The following USP11 variants were observed in gnomAD, a reference collection of about 807,000 sequenced individuals.
USP11 encodes ubiquitin specific peptidase 11.
Under a neutral mutation model 72.8 loss-of-function variants are expected in USP11, and 5 were observed. That is an observed-to-expected ratio of 0.07 (90% CI 0.04 to 0.14). USP11 has a LOEUF of 0.14. Ranked by LOEUF, USP11 falls within the 10% of genes least tolerant of loss-of-function variation. USP11 has a pLI of 1.00. For missense variants in USP11, 480 were observed against 794.7 expected (o/e 0.60, Z 4.76); for synonymous variants, 368 against 326.5 (o/e 1.13, Z -1.37).
rs1159069080 is a variant in USP11, at chrX:47,234,483, G to A, written c.176+1264G>A. Among the ~76,000 whole-genome samples, 5 of 111,908 alleles carry A rather than the reference G, an allele frequency of 4.5e-5. 1 individual carries two copies. The highest frequency in any genetic ancestry group is 9.4e-5 in the Non-Finnish European group (5 of 53,228). On this transcript the variant is annotated intron_variant, in intron 1 of 20. Coordinates refer to ENST00000377107, the MANE Select transcript of USP11 (RefSeq NM_001371072.1). ...TAATAATTGTGATCATTGTGGCTGT[G>A]AAAAATAATATCCTTGTTTATAGGA... is the stretch of plus-strand genomic sequence containing the variant.
At chrX:47,246,997 G>A (rs2055437172) in intron 17 of USP11, 75 bp from the exon 18 acceptor site, 3 of 1,112,417 alleles carry the variant, frequency 2.7e-6, no homozygotes, top group Middle Eastern at 3.0e-4. Flanking sequence ...CTCCAGCCTG[G>A]GCAACAGAGC....
intron 1 of USP11, among the ~76,000 whole-genome samples, chrX:47,234,450 A>T (rs760350890): frequency 8.9e-6 from 1 of 112,372 alleles, no homozygotes; most frequent in Non-Finnish European, 1.9e-5. Flanking sequence ...GGTAGATACT[A>T]GTACTACTAA....
chrX:47,244,781 C>T lies in USP11; in HGVS notation c.1943C>T (p.Thr648Met), dbSNP rs551222235. Residue 648 changes from threonine to methionine, a missense_variant, in exon 15 of 21, where the codon ACG (threonine) becomes ATG (methionine). This residue lies in a region of USP11 where 314 missense variants were observed against 556.0 expected (regional missense o/e 0.56). Transcript: ENST00000377107. ...CAGGCTGGGCCCAGCTCTGGAGTCA[C>T]GAACAGGTGCCCGTTCCTCCTGGAC... ...PEQAGPSSGV[T>M]NRCPFLLDNC... 43 of 1,207,401 alleles carry T rather than the reference C, an allele frequency of 3.6e-5. No individual in the cohort carries two copies. The South Asian group carries it at 5.0e-4, about 14-fold the overall frequency.
chrX:47,241,264 C>T lies in USP11; in HGVS notation c.847-13C>T, dbSNP rs746224404. ...CCCCTCTGCCTCATTCACCTGGTCT[C>T]TGGCCTCTGCAGTGCCTCAGCAATG... On this transcript the variant is annotated splice_polypyrimidine_tract_variant and intron_variant, in intron 7 of 20. Coordinates refer to ENST00000377107, the MANE Select transcript of USP11 (RefSeq NM_001371072.1). The T allele has an allele frequency of 1.7e-6, 2 of 1,192,566 alleles. No individual in the cohort carries two copies. The highest frequency in any genetic ancestry group is 1.8e-5 in the African/African-American group (1 of 56,740).
chrX:47,243,264 A>AAAATAAAT lies in USP11; in HGVS notation c.1584-116_1584-109dup, dbSNP rs111628510. On this transcript the variant is annotated intron_variant, in intron 12 of 20. Coordinates refer to ENST00000377107, the MANE Select transcript of USP11 (RefSeq NM_001371072.1). ...GGCAACAGAGCGAGACTCCGTCTCA[A>AAAATAAAT]AAATAAATAAATAAATAAATAAAAA... The AAAATAAAT allele has an allele frequency of 1.5e-5, 10 of 656,180 alleles. No homozygotes were observed. The Middle Eastern group carries it at 1.6e-3, about 104-fold the overall frequency. 54.1% of individuals were successfully genotyped at this position (656,180 alleles called of 1,213,427 possible).
intron 16 of USP11, 35 bp downstream of exon 16, chrX:47,245,121 G>T: frequency 8.4e-7 from 1 of 1,192,793 alleles, no homozygotes. Flanking sequence ...GGTACTTCCA[G>T]CTCTTGCCCC....
intron 1 of USP11, among the ~76,000 whole-genome samples, chrX:47,238,084 TGTTTTTATCACA>T (rs2055382955): frequency 9.0e-6 from 1 of 111,652 alleles, no homozygotes; most frequent in African/African-American, 3.3e-5. Context: ...TTATGTTACA[TGTTTTTATCACA>T]GTTTTTAAGA....
Position 47,242,684 on chromosome X carries a change from C to T in USP11, c.1547C>T (p.Pro516Leu), listed in dbSNP as rs1278058705. Residue 516 changes from proline (P) to leucine (L), a missense_variant, in exon 12 of 21, where the codon CCT becomes CTT. Coordinates refer to ENST00000377107, the MANE Select transcript of USP11 (RefSeq NM_001371072.1). ...RFYKLYQLEE[P>L]LSSILDRDDI... ...TATAAGCTCTATCAGCTAGAGGAGC[C>T]TCTGAGCAGCATCTTGGACCGTGAT... 6.6e-6 allele frequency: 8 copies of T among 1,209,019 alleles called. No individual in the cohort carries two copies. In the African/African-American group the frequency reaches 1.4e-4, roughly 21 times the overall value.
At chrX:47,242,335 G>A in intron 10 of USP11, 29 bp downstream of exon 10, 4 of 1,205,876 alleles carry the variant, frequency 3.3e-6, no homozygotes, top group Non-Finnish European at 3.4e-6. Context: ...CTGGGGAGAT[G>A]ATGATGGACA....
rs749492088 is a variant in USP11 at position 47,245,354 on chromosome X, G to A, written c.2158-16G>A. On this transcript the variant is annotated splice_polypyrimidine_tract_variant and intron_variant, in intron 16 of 20. Coordinates refer to ENST00000377107, the MANE Select transcript of USP11 (RefSeq NM_001371072.1). ...CTCACAGCCGGCCATCTGGTTGTCT[G>A]TTCACCCAATCCTAGGGCTACGTGA... 3 of 1,198,249 alleles carry A rather than the reference G, an allele frequency of 2.5e-6. No homozygotes were observed. In the South Asian group the frequency reaches 5.3e-5, roughly 21 times the overall value.
rs2055445576 is a variant in USP11, at chrX:47,247,980, A to G, written c.*50A>G. On this transcript the variant is annotated 3_prime_UTR_variant, in exon 21 of 21. Coordinates refer to ENST00000377107, the MANE Select transcript of USP11 (RefSeq NM_001371072.1). ...AAAAAAAAAAAAAGCCCTCTCTGCA[A>G]TCTCGCTTCTCGTGTCCGCCCCGCT... 2 of 1,135,754 alleles carry G rather than the reference A, an allele frequency of 1.8e-6. No individual in the cohort carries two copies. Among genetic ancestry groups the G allele is most frequent in the Non-Finnish European group, 2.3e-6 (2 of 866,852 alleles). The allele number at this position is 1,135,754 out of a possible 1,213,427, so 93.6% of individuals were successfully genotyped here.
chrX:47,233,208 C>A lies in USP11; in HGVS notation c.165C>A (p.Ala55=). 1 of 1,168,106 alleles carries A rather than the reference C, an allele frequency of 8.6e-7. No homozygotes were observed. The highest frequency in any genetic ancestry group is 3.2e-5 in the East Asian group (1 of 31,351). Residue 55 remains alanine, a synonymous_variant, in exon 1 of 21, where the codon GCC becomes GCA. Transcript: ENST00000377107. The part of the protein sequence containing the change: ...GESGRERPLR[A]GESWFLVEKH... ...GTGGGCGAGAACGTCCACTGCGGGC[C>A]GGCGAAAGCTGGTGAGGCTGGGCTG...
At chrX:47,239,007 G>T in intron 1 of USP11, 63 bp from the exon 2 acceptor site, 1 of 794,814 alleles carries the variant, frequency 1.3e-6, no homozygotes, top group Non-Finnish European at 1.9e-6. Flanking sequence ...GTTGGGCATG[G>T]GAAGTTGTAT....
rs957721857 is a variant in USP11 at position 47,248,074 on chromosome X, C to T, written c.*144C>T. On this transcript the variant is annotated 3_prime_UTR_variant, in exon 21 of 21. Coordinates refer to ENST00000377107, the MANE Select transcript of USP11 (RefSeq NM_001371072.1). ...AGTCGTGGCTACTGTTCTCCTGTGC[C>T]GCTGCATCGCTCTCTCCCGGGAAAG... is the stretch of plus-strand genomic sequence containing the variant. 21 of 868,718 alleles carry T rather than the reference C, an allele frequency of 2.4e-5. No homozygotes were observed. Among genetic ancestry groups the T allele is most frequent in the African/African-American group, 1.9e-4 (9 of 48,330 alleles). The allele number at this position is 868,718 out of a possible 1,213,427, so 71.6% of individuals were successfully genotyped here.
chrX:47,239,026 C>G (rs761884475), intron 1 of USP11, 44 bp from the exon 2 acceptor site: 5 of 1,037,208 alleles, frequency 4.8e-6, no homozygotes, highest in Admixed American at 2.4e-5. Context: ...ATAGCTAACC[C>G]TCAGCTACCC....
chrX:47,237,298 A>G (rs751806559), intron 1 of USP11, among the ~76,000 whole-genome samples: 9 of 110,908 alleles, frequency 8.1e-5, no homozygotes, highest in Non-Finnish European at 1.7e-4. Context: ...ACCGGCACAG[A>G]AGGGTTTGTT....
intron 1 of USP11, chrX:47,233,509 A>G: frequency 1.0e-6 from 1 of 953,008 alleles, no homozygotes; most frequent in East Asian, 4.5e-5. Flanking sequence ...TGCGTAGTGA[A>G]ACTGCGTAGG....
At chrX:47,244,058 T>C (rs907373692) in intron 13 of USP11, among the ~76,000 whole-genome samples, 3 of 110,238 alleles carry the variant, frequency 2.7e-5, no homozygotes, top group Non-Finnish European at 5.7e-5. Flanking sequence ...GTGTCTTGTC[T>C]AGCAGTGGCT....
intron 1 of USP11, chrX:47,233,758 G>T: frequency 1.4e-5 from 1 of 72,623 alleles, no homozygotes; most frequent in Non-Finnish European, 3.5e-5. Flanking sequence ...GGTTGGTGAC[G>T]TGAGCTGAGG....
Sources: gnomAD v4.1 joint callset for allele counts (sites outside exome capture counted in the v4.1 genomes callset) on GRCh38, gnomAD v4.1.1 for gene constraint, gnomAD v4.1.1 regional missense constraint, MANE v1.5 for transcripts, NCBI Gene and HGNC (gene_info 2026-07-23, HGNC 2026-07-21) for gene names.